MTFMT: variants seen among roughly 807,000 people sequenced by gnomAD.
The protein encoded by MTFMT is mitochondrial methionyl-tRNA formyltransferase, also known as methionyl-tRNA formyltransferase, mitochondrial.
MTFMT carries 47 observed loss-of-function variants against 51.8 expected under a neutral mutation model. The observed-to-expected ratio is 0.91, with a 90% CI of 0.72 to 1.16. The LOEUF (loss-of-function observed/expected upper bound fraction) is 1.16. Ranked by LOEUF, MTFMT falls within the 50% of genes most tolerant of loss-of-function variation. The probability of loss-of-function intolerance (pLI) is 0.00; values close to 1 mark genes in which losing one functional copy is unlikely to be tolerated. For synonymous variants in MTFMT, 196 were observed against 176.7 expected, an observed-to-expected ratio of 1.11 and a Z score of -0.87; for missense variants, 512 against 482.3, an observed-to-expected ratio of 1.06 and a Z score of -0.58.
intron 5 of MTFMT, 28 bp downstream of exon 5, chr15:65,020,169 G>C (rs1314565621): frequency 1.3e-6 from 2 of 1,589,888 alleles, no homozygotes; most frequent in African/African-American, 2.7e-5. Flanking sequence ...CCTTTAGAAA[G>C]ATGAGAGTCT....
At chr15:65,024,511 CT>C (rs11340546) in intron 2 of MTFMT, among the ~76,000 whole-genome samples, 123,889 of 150,334 alleles carry the variant, frequency 0.82, 51,704 homozygotes, top group East Asian at 0.93. Flanking sequence ...TAAGCTTTTT[CT>C]TTTTTTTTTT....
At chr15:65,022,745 C>T (rs1379413881) in intron 3 of MTFMT, among the ~76,000 whole-genome samples, 7 of 148,382 alleles carry the variant, frequency 4.7e-5, no homozygotes, top group Non-Finnish European at 7.4e-5. Flanking sequence ...CTTGCTCCGT[C>T]GCCCAGGCTG....
chr15:65,024,547 G>A (rs754160662), intron 2 of MTFMT, among the ~76,000 whole-genome samples: 82 of 150,622 alleles, frequency 5.4e-4, no homozygotes, highest in Non-Finnish European at 1.1e-3. Flanking sequence ...ACAGGGTCTC[G>A]CTCTGTTGCC....
rs193206146 is a variant in MTFMT, at chr15:65,028,570, G to A, written c.209+835C>T. The stretch of plus-strand genomic sequence containing the variant: ...GTGGAGGAAGGAAAACCACACAGGG[G>A]ATTGACGAAGGATTCAATACATGAG... On this transcript the variant is annotated intron_variant, in intron 1 of 8. Transcript: ENST00000220058. Among the ~76,000 whole-genome samples the A allele has an allele frequency of 2.4e-4, 36 of 152,276 alleles. No individual in the cohort carries two copies. The East Asian group carries it at 6.6e-3, about 28-fold the overall frequency.
chr15:65,025,232 A>T (rs1223168786), intron 2 of MTFMT, among the ~76,000 whole-genome samples: 1 of 143,710 alleles, frequency 7.0e-6, no homozygotes, highest in African/African-American at 2.6e-5. Flanking sequence ...CCTGTCTCTA[A>T]AAAAAAAAAA....
In MTFMT at chr15:65,029,558, C is replaced by T. The variant is rs1253624821; in HGVS notation, c.56G>A (p.Arg19His). ...WGPPLAHGARRGRPSPQWRAL... is the reference protein window; with the variant it reads ...WGPPLAHGARHGRPSPQWRAL... ...TCGCCACTGGGGACTCGGCCTCCCA[C>T]GCCTGGCGCCATGAGCCAGCGGAGG... The change falls in exon 1 of 9, where the codon CGT (arginine) becomes CAT (histidine). Residue 19 changes from arginine to histidine, a missense_variant. Arg to His is a conservative substitution (Grantham distance 29). Coordinates refer to ENST00000220058, the MANE Select transcript of MTFMT (RefSeq NM_139242.4). 2.0e-6 allele frequency: 3 copies of T among 1,503,698 alleles called. No individual in the cohort carries two copies. Among genetic ancestry groups the T allele is most frequent in the South Asian group, 1.2e-5 (1 of 80,248 alleles). The allele number at this position is 1,503,698 out of a possible 1,614,324, so 93.1% of individuals were successfully genotyped here. A position where few individuals can be genotyped will look rare whatever the true frequency, so the allele number is the denominator to read the frequency against.
Position 65,006,124 on chromosome 15 carries a change from G to C in MTFMT, c.881C>G (p.Ser294Ter). 1 of 1,612,318 alleles carries C rather than the reference G, an allele frequency of 6.2e-7. No individual in the cohort carries two copies. The highest frequency in any genetic ancestry group is 1.7e-5 in the Admixed American group (1 of 59,984). ...KLLDLVEVNS[S>*]VLADPKLTGQ... is the part of the protein sequence containing the mutation. ...TCAAAAGTTAGTACCAGCAAGGACT[G>C]AACTGTTAACTTCTACCAAATCCAG... Residue 294 changes from serine to a stop codon, truncating the protein, a stop_gained, in exon 7 of 9, where the codon TCA becomes TGA. Transcript: ENST00000220058. LOFTEE classifies it high-confidence loss of function.
At position 65,006,166 on chromosome 15, in the gene MTFMT, G is replaced by A. The variant is rs758882234; in HGVS notation, c.839C>T (p.Ala280Val). Reference protein sequence around the residue: ...NIIPLQTLWMANTIKLLDLVE... With the variant: ...NIIPLQTLWMVNTIKLLDLVE... ...CAAATCCAGAAGTTTAATGGTATTCGCCATCCAGAGCGTCTGCAACGGAAT... is the reference window on the plus strand; with the variant it reads ...CAAATCCAGAAGTTTAATGGTATTCACCATCCAGAGCGTCTGCAACGGAAT... The change falls in exon 7 of 9, where the codon GCG (alanine) becomes GTG (valine). Residue 280 changes from alanine (A) to valine (V), a missense_variant. Physicochemically the swap from Ala to Val is moderately conservative, Grantham distance 64. Coordinates refer to ENST00000220058, the MANE Select transcript of MTFMT (RefSeq NM_139242.4). The A allele has an allele frequency of 8.7e-6, 14 of 1,611,806 alleles. No individual in the cohort carries two copies. The highest frequency in any genetic ancestry group is 1.7e-5 in the Admixed American group (1 of 59,926).
intron 6 of MTFMT, among the ~76,000 whole-genome samples, chr15:65,011,086 C>T (rs1159957448): frequency 6.6e-6 from 1 of 152,170 alleles, no homozygotes. Context: ...CTTAGGGAGG[C>T]TGAGGCAGGT....
At position 65,004,914 on chromosome 15, in the gene MTFMT, A is replaced by G; in HGVS notation, c.915T>C (p.Ala305=). Residue 305 remains alanine (A), a synonymous_variant, in exon 8 of 9, where the codon GCT becomes GCC. Coordinates refer to ENST00000220058, the MANE Select transcript of MTFMT (RefSeq NM_139242.4). ...GGTATATTACTGATCCTGGAATAAG[A>G]GCCTGTCCCGTTAATTTTGGATCTG... ...VLADPKLTGQ[A]LIPGSVIYHK... is the part of the protein sequence containing the mutation. The G allele has an allele frequency of 1.2e-6, 2 of 1,612,112 alleles. No individual in the cohort carries two copies. Among genetic ancestry groups the G allele is most frequent in the Non-Finnish European group, 1.7e-6 (2 of 1,178,506 alleles).
rs1054662962 is a variant in MTFMT at position 65,003,159 on chromosome 15, G to A, written c.1073C>T (p.Ser358Phe). 1.9e-6 allele frequency: 3 copies of A among 1,613,528 alleles called. No homozygotes were observed. The highest frequency in any genetic ancestry group is 1.3e-5 in the African/African-American group (1 of 74,848). ...GYLHPWYQKN[S>F]QAQPSQCRFQ... The stretch of plus-strand genomic sequence containing the variant: ...TCTGCATTGGCTTGGTTGAGCTTGG[G>A]AATTTTTCTGGTACCAGGGGTGCAA... Residue 358 changes from serine (S) to phenylalanine (F), a missense_variant, in exon 9 of 9, where the codon TCC (serine) becomes TTC (phenylalanine). Physicochemically the swap from Ser to Phe is radical, Grantham distance 155. Coordinates refer to ENST00000220058, the MANE Select transcript of MTFMT (RefSeq NM_139242.4).
chr15:65,011,586 C>A (rs997487276), intron 6 of MTFMT, among the ~76,000 whole-genome samples: 2 of 145,610 alleles, frequency 1.4e-5, no homozygotes, highest in East Asian at 4.4e-4. Context: ...GCCTCGACCT[C>A]CCTGGCTCAA....
intron 5 of MTFMT, among the ~76,000 whole-genome samples, chr15:65,018,063 G>A (rs2086339234): frequency 6.6e-6 from 1 of 152,070 alleles, no homozygotes; most frequent in African/African-American, 2.4e-5. Flanking sequence ...GGACTTCTAT[G>A]AGTGTACCTT....
At chr15:65,016,757 T>TA (rs1004682282) in intron 5 of MTFMT, among the ~76,000 whole-genome samples, 9 of 151,822 alleles carry the variant, frequency 5.9e-5, no homozygotes, top group African/African-American at 1.9e-4. Flanking sequence ...AATGCCCTTC[T>TA]AACTATGAAA....
Position 65,021,575 on chromosome 15 carries a change from A to T in MTFMT, c.584T>A (p.Val195Glu). 1 of 1,599,402 alleles carries T rather than the reference A, an allele frequency of 6.3e-7. No individual in the cohort carries two copies. Among genetic ancestry groups the T allele is most frequent in the East Asian group, 2.2e-5 (1 of 44,520 alleles). ...TTCCTTTGCAGTGCTCTTGGGTGGC[A>T]CAGGAACAGTTTCTTGTTTGAGAAT... ...GPILKQETVP[V>E]PPKSTAKELE... Residue 195 changes from valine to glutamate, a missense_variant, in exon 4 of 9, where the codon GTG (valine) becomes GAG (glutamate). Transcript: ENST00000220058.
intron 1 of MTFMT, chr15:65,029,137 G>T: frequency 2.5e-6 from 1 of 406,208 alleles, no homozygotes; most frequent in Non-Finnish European, 3.3e-6. Context: ...CCCAGCCCCA[G>T]CTCGGCACAG....
intron 6 of MTFMT, among the ~76,000 whole-genome samples, chr15:65,012,298 A>G (rs1034040741): frequency 2.0e-5 from 3 of 151,188 alleles, no homozygotes; most frequent in African/African-American, 4.9e-5. Flanking sequence ...CCTAGAACTT[A>G]AAGTATAATA....
chr15:65,010,783 CTG>C (rs2086257773), intron 6 of MTFMT, among the ~76,000 whole-genome samples: 1 of 152,200 alleles, frequency 6.6e-6, no homozygotes, highest in Non-Finnish European at 1.5e-5. Flanking sequence ...AACTGCCAAA[CTG>C]TTTTCCACAC....
At chr15:65,022,662 C>T (rs1010870412) in intron 3 of MTFMT, among the ~76,000 whole-genome samples, 2 of 150,560 alleles carry the variant, frequency 1.3e-5, no homozygotes, top group South Asian at 2.1e-4. Context: ...TTCACAAAAA[C>T]GGAGTGAACA....
Sources: allele counts gnomAD v4.1 joint callset (sites outside exome capture counted in the v4.1 genomes callset), GRCh38; gene constraint gnomAD v4.1.1; transcripts MANE v1.5; gene names NCBI Gene and HGNC (gene_info 2026-07-23, HGNC 2026-07-21).